Variants in CYP24A1 observed in about 807,000 individuals in gnomAD.
CYP24A1 encodes the protein cytochrome P450 family 24 subfamily A member 1.
A neutral mutation model predicts 62.4 loss-of-function variants in CYP24A1; 68 were observed. The ratio of observed to expected loss-of-function variants is 1.09; its 90% CI spans 0.90 to 1.33. The LOEUF (loss-of-function observed/expected upper bound fraction) is 1.33. Ranked by LOEUF, CYP24A1 falls within the 40% of genes most tolerant of loss-of-function variation. The pLI, the probability that CYP24A1 is intolerant of heterozygous loss-of-function variation, is 0.00. For synonymous variants in CYP24A1, 267 were observed against 253.0 expected, an observed-to-expected ratio of 1.06 and a Z score of -0.52; for missense variants, 787 against 653.0, an observed-to-expected ratio of 1.21 and a Z score of -2.24.
rs2092633894 is a variant in CYP24A1 at position 54,157,568 on chromosome 20, A to G, written c.1254T>C (p.Asn418=). The G allele has an allele frequency of 6.3e-7, 1 of 1,586,990 alleles. No individual in the cohort carries two copies. The highest frequency in any genetic ancestry group is 1.3e-5 in the African/African-American group (1 of 74,504). Residue 418 remains asparagine, a synonymous_variant, in exon 10 of 12, where the codon AAT becomes AAC. Transcript: ENST00000216862. ...ALPKGTVLML[N]TQVLGSSEDN... ...CTTCACTGGATCCCAACACCTGGGT[A>G]TTTAGCATGAGCACTGTCTAAACAC...
At chr20:54,162,084 C>T (rs1174323320) in intron 7 of CYP24A1, among the ~76,000 whole-genome samples, 2 of 152,110 alleles carry the variant, frequency 1.3e-5, no homozygotes, top group African/African-American at 4.8e-5. Flanking sequence ...GGAGTATCGG[C>T]CACATCAGAG....
chr20:54,162,522 C>A (rs920811482), intron 7 of CYP24A1, 195 bp downstream of exon 7: 4 of 597,952 alleles, frequency 6.7e-6, no homozygotes, highest in East Asian at 2.9e-5. Flanking sequence ...TGGTATGAGG[C>A]CGTGCGCTGA....
At chr20:54,165,917 T>C (rs1470765706) in intron 4 of CYP24A1, 84 bp from the exon 5 acceptor site, 3 of 852,344 alleles carry the variant, frequency 3.5e-6, no homozygotes, top group Non-Finnish European at 6.1e-6. Context: ...AAAGACTCAA[T>C]TCTATGCCTC....
chr20:54,154,762 C>T lies in CYP24A1; in HGVS notation c.*11-1G>A, dbSNP rs1474254624. ...ATATGATGTTAGCAAATACCACCATCTAGAAAGACAGTACAGCTTCTGGAA... is the reference window on the plus strand; with the variant it reads ...ATATGATGTTAGCAAATACCACCATTTAGAAAGACAGTACAGCTTCTGGAA... On this transcript the variant is annotated splice_acceptor_variant, in intron 11 of 11. Coordinates refer to ENST00000216862, the MANE Select transcript of CYP24A1 (RefSeq NM_000782.5). LOFTEE classifies it low-confidence loss of function (3UTR_SPLICE). 6.6e-6 allele frequency: 1 copy of T among 152,510 alleles called. No individual in the cohort carries two copies. The highest frequency in any genetic ancestry group is 2.4e-5 in the African/African-American group (1 of 41,390). The allele number at this position is 152,510 out of a possible 1,614,324, so 9.4% of individuals were successfully genotyped here.
At chr20:54,169,475 T>C in intron 4 of CYP24A1, 117 bp downstream of exon 4, 1 of 1,565,416 alleles carries the variant, frequency 6.4e-7, no homozygotes, top group Non-Finnish European at 8.6e-7. Flanking sequence ...AAAGGGCTGC[T>C]CTGGCCTTTC....
At chr20:54,157,731 T>C in intron 9 of CYP24A1, 146 bp from the exon 10 acceptor site, 1 of 722,460 alleles carries the variant, frequency 1.4e-6, no homozygotes, top group Non-Finnish European at 2.5e-6. Flanking sequence ...GCTGAGTGCT[T>C]AAAATGTGCC....
downstream of CYP24A1, among the ~76,000 whole-genome samples, chr20:54,152,098 T>G (rs1405128966): frequency 5.9e-5 from 9 of 152,178 alleles, no homozygotes; most frequent in Non-Finnish European, 1.3e-4. Flanking sequence ...CACCCTGTGC[T>G]CCTCACACCC....
rs559534374 is a variant in CYP24A1, at chr20:54,159,246, C to T, written c.991-123G>A. On this transcript the variant is annotated intron_variant, in intron 7 of 11. Coordinates refer to ENST00000216862, the MANE Select transcript of CYP24A1 (RefSeq NM_000782.5). ...AATGTATCAGTGAAGCTCTTTCACG[C>T]GTCCTTATAGCTACGCCTTTAGACA... 13 of 773,858 alleles carry T rather than the reference C, an allele frequency of 1.7e-5. No individual in the cohort carries two copies. In the East Asian group the frequency reaches 1.8e-4, roughly 11 times the overall value. 47.9% of individuals were successfully genotyped at this position (773,858 alleles called of 1,614,324 possible). A position where few individuals can be genotyped will look rare whatever the true frequency, so the allele number is the denominator to read the frequency against.
At chr20:54,159,202 C>CA in intron 7 of CYP24A1, 79 bp from the exon 8 acceptor site, 2 of 1,084,744 alleles carry the variant, frequency 1.8e-6, no homozygotes, top group East Asian at 2.4e-5. Flanking sequence ...AAAGGTGATG[C>CA]CCACCACCTT....
At chr20:54,169,973 A>ATTTT (rs10627679) in intron 3 of CYP24A1, among the ~76,000 whole-genome samples, 1 of 150,928 alleles carries the variant, frequency 6.6e-6, no homozygotes, top group Non-Finnish European at 1.5e-5. Context: ...AAAGGAAAAC[A>ATTTT]TTTTTTTTTT....
chr20:54,152,225 T>C (rs1020075062), downstream of CYP24A1, among the ~76,000 whole-genome samples: 1 of 152,196 alleles, frequency 6.6e-6, no homozygotes, highest in Non-Finnish European at 1.5e-5. Flanking sequence ...TGCCTGGACA[T>C]GTAAAGTCTA....
At chr20:54,172,658 G>T in intron 2 of CYP24A1, 1 of 760,286 alleles carries the variant, frequency 1.3e-6, no homozygotes, top group Non-Finnish European at 2.0e-6. Flanking sequence ...TTCTTTGATG[G>T]GAGGGTGTGG....
chr20:54,152,433 A>C (rs1025253003), downstream of CYP24A1, among the ~76,000 whole-genome samples: 11 of 152,218 alleles, frequency 7.2e-5, no homozygotes, highest in African/African-American at 2.7e-4. Context: ...CTGTCCCCAC[A>C]GTCGCACAGG....
intron 7 of CYP24A1, among the ~76,000 whole-genome samples, chr20:54,162,020 C>T (rs1480841170): frequency 6.6e-6 from 1 of 152,176 alleles, no homozygotes; most frequent in Non-Finnish European, 1.5e-5. Context: ...TACCTGAATG[C>T]CTATGGCAGG....
Position 54,173,373 on chromosome 20 carries a change from G to A in CYP24A1, c.207C>T (p.Ser69=). The change falls in exon 1 of 12, where the codon AGC becomes AGT. Residue 69 remains serine (S), a synonymous_variant. Coordinates refer to ENST00000216862, the MANE Select transcript of CYP24A1 (RefSeq NM_000782.5). The surrounding 1 kb of genome is among the most constrained non-coding windows in gnomAD (Gnocchi z 7.2). ...CCCCTTTCCAGAGAATCTGCAGCAG[G>A]CTGCCCAGCAGTGGCCAGCTGGTGG... ...PGPTSWPLLG[S]LLQILWKGGL... 1 of 1,600,974 alleles carries A rather than the reference G, an allele frequency of 6.2e-7. No individual in the cohort carries two copies.
intron 7 of CYP24A1, 86 bp from the exon 8 acceptor site, chr20:54,159,209 C>A: frequency 9.9e-7 from 1 of 1,013,976 alleles, no homozygotes; most frequent in Non-Finnish European, 1.6e-6. Context: ...ATGCCCACCA[C>A]CTTATTCTGC....
chr20:54,158,280 C>T lies in CYP24A1; in HGVS notation c.1158-116G>A, dbSNP rs1033930537. The stretch of plus-strand genomic sequence containing the variant: ...CTGCCCAAGTGCATACTCAAAGAGG[C>T]AGCATGATCACAGATCTTCCTAAAG... On this transcript the variant is annotated intron_variant, in intron 8 of 11. Transcript: ENST00000216862. The T allele has an allele frequency of 5.2e-6, 8 of 1,543,538 alleles. No individual in the cohort carries two copies. The South Asian group carries it at 9.4e-5, about 18-fold the overall frequency.
Position 54,157,660 on chromosome 20 carries a change from G to A in CYP24A1, c.1237-75C>T, listed in dbSNP as rs2092634394. On this transcript the variant is annotated intron_variant, in intron 9 of 11. Transcript: ENST00000216862. Reference sequence around the variant, plus strand: ...TTGAATGGCAAAATTGACACAAGTTGTCACCTTACAAATCAAAAGCCAAAT... The same window carrying A: ...TTGAATGGCAAAATTGACACAAGTTATCACCTTACAAATCAAAAGCCAAAT... 8 of 900,378 alleles carry A rather than the reference G, an allele frequency of 8.9e-6. No homozygotes were observed. The South Asian group carries it at 1.0e-4, about 12-fold the overall frequency. 55.8% of individuals were successfully genotyped at this position (900,378 alleles called of 1,614,324 possible). A position where few individuals can be genotyped will look rare whatever the true frequency, so the allele number is the denominator to read the frequency against.
At chr20:54,156,670 T>G (rs2092629124) in intron 11 of CYP24A1, among the ~76,000 whole-genome samples, 1 of 152,186 alleles carries the variant, frequency 6.6e-6, no homozygotes, top group Non-Finnish European at 1.5e-5. Flanking sequence ...ATGTGTGTCG[T>G]GTAACTCACT....
Sources: gnomAD v4.1 joint callset for allele counts (sites outside exome capture counted in the v4.1 genomes callset) on GRCh38, gnomAD v4.1.1 for gene constraint, Gnocchi (gnomAD v3.1) non-coding constraint, MANE v1.5 for transcripts, NCBI Gene and HGNC (gene_info 2026-07-23, HGNC 2026-07-21) for gene names.